Variants in TRPM3 observed in about 807,000 individuals in gnomAD.
The protein encoded by TRPM3 is transient receptor potential cation channel subfamily M member 3, also known as long transient receptor potential channel 3.
A neutral mutation model predicts 181.2 loss-of-function variants in TRPM3; 77 were observed. That is an observed-to-expected ratio of 0.42 (90% CI 0.35 to 0.51). The LOEUF is 0.51. Among genes scored for constraint, TRPM3 ranks in the 20% least tolerant of loss-of-function variants. The pLI is 0.01. For missense variants in TRPM3, 1,759 were observed against 2,196.7 expected (o/e 0.80, Z 3.98); for synonymous variants, 745 against 796.4 (o/e 0.94, Z 1.09).
intron 1 of TRPM3, among the ~76,000 whole-genome samples, chr9:70,867,307 T>G (rs1269288849): frequency 6.6e-6 from 1 of 152,050 alleles, no homozygotes; most frequent in African/African-American, 2.4e-5. Context: ...TGGATGAGAC[T>G]TTTCAAGGAC....
intron 22 of TRPM3, among the ~76,000 whole-genome samples, chr9:70,555,227 T>G (rs1340649073): frequency 6.6e-6 from 1 of 152,186 alleles, no homozygotes; most frequent in Non-Finnish European, 1.5e-5. Flanking sequence ...TGCTCACTCT[T>G]TAGTGCTCAC....
At chr9:70,685,633 T>C (rs528382244) in intron 8 of TRPM3, among the ~76,000 whole-genome samples, 81 of 152,276 alleles carry the variant, frequency 5.3e-4, no homozygotes, top group Non-Finnish European at 1.0e-3. Flanking sequence ...TCTCAAACTC[T>C]TGGACTTAAG....
At chr9:71,188,386 C>T (rs2077813270) in intron 1 of TRPM3, among the ~76,000 whole-genome samples, 1 of 151,674 alleles carries the variant, frequency 6.6e-6, no homozygotes, top group Admixed American at 6.6e-5. Flanking sequence ...TTAGAGTTGC[C>T]ATCCATAGGC....
At chr9:70,549,265 G>A (rs1188753515) in intron 25 of TRPM3, among the ~76,000 whole-genome samples, 1 of 152,154 alleles carries the variant, frequency 6.6e-6, no homozygotes, top group Non-Finnish European at 1.5e-5. Context: ...TTTCTGATCT[G>A]AGCCAGCAAC....
intron 1 of TRPM3, among the ~76,000 whole-genome samples, chr9:71,270,552 G>C (rs879699849): frequency 9.2e-5 from 14 of 152,110 alleles, no homozygotes; most frequent in Admixed American, 7.2e-4. Flanking sequence ...AGAAACTGCT[G>C]CTTCCTTTAA....
intron 1 of TRPM3, among the ~76,000 whole-genome samples, chr9:71,306,891 A>AAG (rs2087396307): frequency 1.3e-5 from 2 of 152,132 alleles, no homozygotes; most frequent in African/African-American, 4.8e-5. Flanking sequence ...AACAACAAAA[A>AAG]CACCTTATAG....
chr9:70,641,486 C>G (rs2058054373), intron 9 of TRPM3, among the ~76,000 whole-genome samples: 2 of 152,158 alleles, frequency 1.3e-5, no homozygotes, highest in South Asian at 4.1e-4. Context: ...AAACCAGCGG[C>G]TTAGGTTTAC....
chr9:71,333,815 C>T (rs1420065945), intron 1 of TRPM3, among the ~76,000 whole-genome samples: 1 of 151,858 alleles, frequency 6.6e-6, no homozygotes, highest in African/African-American at 2.4e-5. Flanking sequence ...AGAATGTGAA[C>T]CGATTTTCTA....
At chr9:70,971,002 TA>T (rs2097238293) in intron 1 of TRPM3, among the ~76,000 whole-genome samples, 1 of 152,198 alleles carries the variant, frequency 6.6e-6, no homozygotes, top group Non-Finnish European at 1.5e-5. Flanking sequence ...TAAACTGGTG[TA>T]AAGCTATTTA....
At chr9:71,214,836 G>T (rs1053560075) in intron 1 of TRPM3, among the ~76,000 whole-genome samples, 1 of 151,932 alleles carries the variant, frequency 6.6e-6, no homozygotes, top group African/African-American at 2.4e-5. Flanking sequence ...TCCCCATCCT[G>T]TTGACCTGGA....
chr9:70,993,508 G>A (rs1374196311), intron 1 of TRPM3, among the ~76,000 whole-genome samples: 3 of 152,074 alleles, frequency 2.0e-5, no homozygotes, highest in African/African-American at 4.8e-5. Flanking sequence ...ATTGGAAGAG[G>A]GGCAGGCTGA....
At chr9:70,857,980 G>GAC (rs1322066809) in intron 3 of TRPM3, among the ~76,000 whole-genome samples, 2 of 152,122 alleles carry the variant, frequency 1.3e-5, no homozygotes, top group Non-Finnish European at 2.9e-5. Flanking sequence ...TGATAAAACA[G>GAC]ACACACAGAG....
At chr9:71,378,879 G>T (rs115644703) in intron 1 of TRPM3, among the ~76,000 whole-genome samples, 1 of 151,714 alleles carries the variant, frequency 6.6e-6, no homozygotes, top group Non-Finnish European at 1.5e-5. Flanking sequence ...TATATAATGC[G>T]TACAACTATC....
At chr9:70,779,050 T>C (rs1332125248) in intron 7 of TRPM3, among the ~76,000 whole-genome samples, 1 of 152,180 alleles carries the variant, frequency 6.6e-6, no homozygotes, top group Non-Finnish European at 1.5e-5. Flanking sequence ...TTAGCATTCA[T>C]TTATGCCTTT....
At chr9:70,669,954 C>G (rs184361608) in intron 9 of TRPM3, among the ~76,000 whole-genome samples, 2 of 152,188 alleles carry the variant, frequency 1.3e-5, no homozygotes, top group South Asian at 2.1e-4. Flanking sequence ...CCAGGCTGGT[C>G]TCAAAATGCT....
At chr9:70,880,890 A>G (rs1189808833) in intron 1 of TRPM3, among the ~76,000 whole-genome samples, 1 of 152,112 alleles carries the variant, frequency 6.6e-6, no homozygotes, top group Non-Finnish European at 1.5e-5. Context: ...GAACAAACAG[A>G]GAAATGAAGT....
chr9:71,083,743 C>CACAT (rs1179956403), intron 1 of TRPM3, among the ~76,000 whole-genome samples: 2 of 150,270 alleles, frequency 1.3e-5, no homozygotes, highest in African/African-American at 4.9e-5. Flanking sequence ...CACACACACA[C>CACAT]ACACTGCACA....
At chr9:70,778,071 A>G (rs915534384) in intron 7 of TRPM3, among the ~76,000 whole-genome samples, 2 of 151,994 alleles carry the variant, frequency 1.3e-5, no homozygotes, top group South Asian at 2.1e-4. Context: ...CTTCAATCTT[A>G]TTTAGATTAA....
chr9:71,144,024 T>TA lies in TRPM3; in HGVS notation c.184-279514dup, dbSNP rs553889834. ...AAATTTAGTTAATTGAGCTGCCTTT[T>TA]AAAAAGATATATTCCAAGCAACATC... On this transcript the variant is annotated intron_variant, in intron 1 of 24. Transcript: ENST00000357533. Among the ~76,000 whole-genome samples, 126 of 152,290 alleles carry TA rather than the reference T, an allele frequency of 8.3e-4. 1 individual carries two copies. Among genetic ancestry groups the TA allele is most frequent in the African/African-American group, 2.9e-3 (122 of 41,578 alleles).
Sources: allele counts gnomAD v4.1 joint callset (sites outside exome capture counted in the v4.1 genomes callset), GRCh38; gene constraint gnomAD v4.1.1; transcripts MANE v1.5; gene names NCBI Gene and HGNC (gene_info 2026-07-23, HGNC 2026-07-21).